Variants in KLF8 observed in about 807,000 individuals in gnomAD.
The protein encoded by KLF8 is Krueppel-like factor 8.
In KLF8, 10 loss-of-function variants were observed where a neutral mutation model predicts 18.2. That is an observed-to-expected ratio of 0.55 (90% CI 0.34 to 0.93). The LOEUF (loss-of-function observed/expected upper bound fraction) is 0.93. Ranked by LOEUF, KLF8 falls within the 40% of genes least tolerant of loss-of-function variation. The pLI, the probability that KLF8 is intolerant of heterozygous loss-of-function variation, is 0.02. For missense variants in KLF8, 264 were observed against 277.9 expected, an observed-to-expected ratio of 0.95 and a Z score of 0.36; for synonymous variants, 109 against 97.3, an observed-to-expected ratio of 1.12 and a Z score of -0.71.
chrX:56,034,476 T>G, the KLF8 span, among the ~76,000 whole-genome samples: 4 of 111,708 alleles, frequency 3.6e-5, no homozygotes, highest in Middle Eastern at 4.7e-3. Flanking sequence ...TGCTGAAGTT[T>G]GCCTTGGCTA....
chrX:55,983,740 G>C, the KLF8 span, among the ~76,000 whole-genome samples: 1 of 111,120 alleles, frequency 9.0e-6, no homozygotes, highest in Non-Finnish European at 1.9e-5. Context: ...AGTGTACACT[G>C]TATGCAACAG....
At chrX:56,062,344 G>A in the KLF8 span, among the ~76,000 whole-genome samples, 1 of 111,087 alleles carries the variant, frequency 9.0e-6, no homozygotes, top group South Asian at 3.8e-4. Flanking sequence ...TCCTTGTTTA[G>A]TGTTTTCTTC....
At chrX:56,046,482 G>C in the KLF8 span, among the ~76,000 whole-genome samples, 1 of 110,814 alleles carries the variant, frequency 9.0e-6, no homozygotes, top group East Asian at 2.8e-4. Flanking sequence ...GCATTTTTCA[G>C]TGTGTTTTTG....
the KLF8 span, among the ~76,000 whole-genome samples, chrX:56,052,892 C>G: frequency 2.7e-5 from 3 of 111,420 alleles, no homozygotes; most frequent in Non-Finnish European, 5.7e-5. Flanking sequence ...AGTTTGATGT[C>G]AGACTGCTGT....
At chrX:55,983,971 G>A in the KLF8 span, among the ~76,000 whole-genome samples, 1 of 108,173 alleles carries the variant, frequency 9.2e-6, no homozygotes, top group Non-Finnish European at 1.9e-5. Flanking sequence ...CTTCTTTATG[G>A]CTGTGTAGTA....
At chrX:56,225,295 T>G in the KLF8 span, among the ~76,000 whole-genome samples, 1 of 111,828 alleles carries the variant, frequency 8.9e-6, no homozygotes. Flanking sequence ...GAGACATTTA[T>G]TCTCACCCTT....
At chrX:56,100,650 A>G in the KLF8 span, among the ~76,000 whole-genome samples, 1 of 111,442 alleles carries the variant, frequency 9.0e-6, no homozygotes, top group Non-Finnish European at 1.9e-5. Flanking sequence ...GTTGGTTCCA[A>G]CCCTCATGGG....
chrX:56,133,294 G>C, the KLF8 span, among the ~76,000 whole-genome samples: 1 of 111,998 alleles, frequency 8.9e-6, no homozygotes, highest in Non-Finnish European at 1.9e-5. Context: ...GAATCCAACA[G>C]CATATCAAAG....
chrX:56,142,581 A>G, the KLF8 span, among the ~76,000 whole-genome samples: 3 of 111,880 alleles, frequency 2.7e-5, no homozygotes, highest in Middle Eastern at 9.2e-3. Flanking sequence ...AGCTAAAACC[A>G]TACCCCTGAA....
the KLF8 span, among the ~76,000 whole-genome samples, chrX:55,947,905 G>A: frequency 8.9e-6 from 1 of 112,127 alleles, no homozygotes; most frequent in Non-Finnish European, 1.9e-5. Flanking sequence ...TTTTTCTCAT[G>A]AAAATACAGT....
chrX:56,250,866 A>G (rs2066699927), intron 2 of KLF8, among the ~76,000 whole-genome samples: 1 of 112,071 alleles, frequency 8.9e-6, no homozygotes. Context: ...TTTGAGTCCA[A>G]AAGCAGATTG....
the KLF8 span, among the ~76,000 whole-genome samples, chrX:56,028,731 C>T: frequency 9.2e-4 from 102 of 111,400 alleles, no homozygotes; most frequent in African/African-American, 3.2e-3. Context: ...CACCTGACCC[C>T]GGGTCTTCCT....
the KLF8 span, among the ~76,000 whole-genome samples, chrX:55,998,084 G>A: frequency 1.8e-5 from 2 of 112,489 alleles, no homozygotes; most frequent in Non-Finnish European, 3.8e-5. Context: ...TGTGCTTTTA[G>A]ATATGCATAA....
the KLF8 span, among the ~76,000 whole-genome samples, chrX:56,212,449 G>A: frequency 8.9e-6 from 1 of 112,197 alleles, no homozygotes; most frequent in Admixed American, 9.4e-5. Flanking sequence ...GAAACCTAGA[G>A]CACTTTGGCC....
the KLF8 span, among the ~76,000 whole-genome samples, chrX:56,015,368 C>A: frequency 9.0e-6 from 1 of 111,550 alleles, no homozygotes; most frequent in African/African-American, 3.3e-5. Context: ...ATCTCACACA[C>A]TCACCAACCA....
At chrX:56,178,217 C>A in the KLF8 span, among the ~76,000 whole-genome samples, 705 of 112,705 alleles carry the variant, frequency 6.3e-3, 10 homozygotes, top group Admixed American at 0.011. Flanking sequence ...TAGCGATTTG[C>A]ATTTCTCTGA....
the KLF8 span, among the ~76,000 whole-genome samples, chrX:55,939,421 A>G: frequency 3.6e-5 from 4 of 111,658 alleles, no homozygotes; most frequent in Non-Finnish European, 5.7e-5. Flanking sequence ...ATAAGAGAAA[A>G]CAGGAAAGAT....
chrX:55,994,177 T>C, the KLF8 span, among the ~76,000 whole-genome samples: 1 of 110,409 alleles, frequency 9.1e-6, no homozygotes, highest in East Asian at 2.8e-4. Context: ...CCCAAAGTGC[T>C]GGGTTTACAG....
At chrX:56,130,113 T>TCGCC in the KLF8 span, among the ~76,000 whole-genome samples, 1 of 110,401 alleles carries the variant, frequency 9.1e-6, no homozygotes, top group South Asian at 3.9e-4. Flanking sequence ...TTCTAAGGCC[T>TCGCC]CGCCCACCTC....
Sources: allele counts gnomAD v4.1 joint callset (sites outside exome capture counted in the v4.1 genomes callset), GRCh38; gene constraint gnomAD v4.1.1; transcripts MANE v1.5; gene names NCBI Gene and HGNC (gene_info 2026-07-23, HGNC 2026-07-21).